TMEM255A: variants seen among roughly 807,000 people sequenced by gnomAD.
The protein encoded by TMEM255A is transmembrane protein 255A.
A neutral mutation model predicts 23.5 loss-of-function variants in TMEM255A; 14 were observed. The observed-to-expected ratio is 0.60, with a 90% CI of 0.39 to 0.93. The LOEUF is 0.93. Among genes scored for constraint, TMEM255A ranks in the 40% least tolerant of loss-of-function variants. TMEM255A has a pLI of 0.00. For synonymous variants in TMEM255A, 104 were observed against 100.3 expected, an observed-to-expected ratio of 1.04 and a Z score of -0.22; for missense variants, 233 against 261.7, an observed-to-expected ratio of 0.89 and a Z score of 0.76.
intron 4 of TMEM255A, among the ~76,000 whole-genome samples, chrX:120,289,337 T>C (rs984592429): frequency 1.8e-5 from 2 of 112,066 alleles, no homozygotes; most frequent in Admixed American, 9.5e-5. Flanking sequence ...GGGCCTGGAC[T>C]CAGAGGCAAG....
intron 1 of TMEM255A, among the ~76,000 whole-genome samples, chrX:120,310,530 A>G (rs1255408908): frequency 9.0e-6 from 1 of 110,776 alleles, no homozygotes; most frequent in Non-Finnish European, 1.9e-5. Flanking sequence ...TCGCGCTCTC[A>G]CTCCTGCCCC....
At chrX:120,288,866 C>T (rs1187944149) in intron 4 of TMEM255A, among the ~76,000 whole-genome samples, 2 of 112,155 alleles carry the variant, frequency 1.8e-5, no homozygotes, top group African/African-American at 6.5e-5. Context: ...GAAAAGAAAA[C>T]TATGGTACAA....
intron 1 of TMEM255A, among the ~76,000 whole-genome samples, chrX:120,310,521 C>T (rs2058092239): frequency 8.9e-6 from 1 of 111,933 alleles, no homozygotes; most frequent in Non-Finnish European, 1.9e-5. Flanking sequence ...GTTTCTTTCT[C>T]GCGCTCTCAC....
chrX:120,280,047 G>GGCTGGAGT (rs2057827704), intron 6 of TMEM255A, among the ~76,000 whole-genome samples: 4 of 83,447 alleles, frequency 4.8e-5, no homozygotes, highest in Admixed American at 1.7e-4. Context: ...CTGTCACCCA[G>GGCTGGAGT]GCTGGAGTGC....
chrX:120,267,946 T>A (rs958179745), intron 8 of TMEM255A, among the ~76,000 whole-genome samples: 1 of 111,070 alleles, frequency 9.0e-6, no homozygotes, highest in African/African-American at 3.3e-5. Context: ...GCTTATCTTC[T>A]CCTTGGTGTA....
At chrX:120,273,651 C>T (rs1222848085) in intron 7 of TMEM255A, 5 of 114,133 alleles carry the variant, frequency 4.4e-5, no homozygotes, top group African/African-American at 1.3e-4. Flanking sequence ...AAATTGCACA[C>T]AAACATATAA....
At chrX:120,307,562 G>A (rs2058072681) in intron 1 of TMEM255A, among the ~76,000 whole-genome samples, 1 of 112,425 alleles carries the variant, frequency 8.9e-6, no homozygotes, top group African/African-American at 3.2e-5. Context: ...GAATAAACAA[G>A]AGGCAACATC....
At chrX:120,266,417 T>C (rs1260707591) in intron 8 of TMEM255A, among the ~76,000 whole-genome samples, 4 of 109,458 alleles carry the variant, frequency 3.7e-5, no homozygotes, top group African/African-American at 1.3e-4. Flanking sequence ...GCGTGGCACA[T>C]GGAACACAGA....
At position 120,291,300 on chromosome X, in the gene TMEM255A, G is replaced by A. The variant is rs1556022900; in HGVS notation, c.305C>T (p.Ala102Val). Residue 102 changes from alanine (A) to valine (V), a missense_variant, in exon 4 of 9, where the codon GCG becomes GTG. Physicochemically the swap from Ala to Val is moderately conservative, Grantham distance 64. Transcript: ENST00000371369. ...GTCAACTATGGCACAACAAAAAGCC[G>A]CAATCACACCAAAGCTGATAAACAC... ...SIVFISFGVI[A>V]AFCCAIVDGV... is the part of the protein sequence containing the mutation. 8.3e-6 allele frequency: 10 copies of A among 1,209,293 alleles called. No homozygotes were observed. The East Asian group carries it at 8.9e-5, about 11-fold the overall frequency.
Position 120,259,543 on chromosome X carries a change from A to C in TMEM255A, c.*1327T>G, listed in dbSNP as rs1031005512. ...TCTGTGTTTGGAGAACTGTCTAATTAGGTACCCTCCTGTAGCCCCTGTATT... is the reference window on the plus strand; with the variant it reads ...TCTGTGTTTGGAGAACTGTCTAATTCGGTACCCTCCTGTAGCCCCTGTATT... On this transcript the variant is annotated 3_prime_UTR_variant, in exon 9 of 9. Coordinates refer to ENST00000371369, the MANE Select transcript of TMEM255A (RefSeq NM_001104544.3). 1.8e-5 allele frequency: 2 copies of C among 111,913 alleles called. No individual in the cohort carries two copies. The highest frequency in any genetic ancestry group is 5.6e-4 in the East Asian group (2 of 3,602). 9.2% of individuals were successfully genotyped at this position (111,913 alleles called of 1,213,427 possible).
In TMEM255A at chrX:120,300,014, T is replaced by C. The variant is rs370629862; in HGVS notation, c.201+4335A>G. On this transcript the variant is annotated intron_variant, in intron 2 of 8. Transcript: ENST00000371369. ...AAAGGGGGCAGAAATTCTTGCTCTC[T>C]TTCCTGAAAGAAGACTCAGGCTAGT... Among the ~76,000 whole-genome samples, 11 of 112,180 alleles carry C rather than the reference T, an allele frequency of 9.8e-5. No individual in the cohort carries two copies. In the East Asian group the frequency reaches 2.5e-3, roughly 26 times the overall value.
At chrX:120,294,633 A>G (rs782441038) in intron 2 of TMEM255A, among the ~76,000 whole-genome samples, 2 of 111,971 alleles carry the variant, frequency 1.8e-5, no homozygotes, top group East Asian at 5.6e-4. Flanking sequence ...GCCTATTTCA[A>G]TTGCAATATC....
At chrX:120,268,994 A>G (rs1335695931) in intron 7 of TMEM255A, among the ~76,000 whole-genome samples, 1 of 111,510 alleles carries the variant, frequency 9.0e-6, no homozygotes, top group Non-Finnish European at 1.9e-5. Context: ...ATTCTTAGAG[A>G]TCCCAACCTT....
chrX:120,291,220 T>G (rs1556022860), intron 4 of TMEM255A, 31 bp downstream of exon 4: 2 of 1,130,588 alleles, frequency 1.8e-6, no homozygotes, highest in Non-Finnish European at 2.4e-6. Context: ...TATTGCCTAT[T>G]TACTTTAACT....
chrX:120,285,686 G>T (rs782670591), intron 5 of TMEM255A: 25 of 1,208,871 alleles, frequency 2.1e-5, no homozygotes, highest in Non-Finnish European at 2.7e-5. Context: ...TTTGGTTGAG[G>T]AACTTATGAC....
intron 6 of TMEM255A, among the ~76,000 whole-genome samples, chrX:120,277,662 A>G (rs1382559591): frequency 8.9e-6 from 1 of 112,464 alleles, no homozygotes; most frequent in Non-Finnish European, 1.9e-5. Flanking sequence ...GAACTTGCCC[A>G]AGTCGTAAGT....
chrX:120,290,566 T>C (rs959556593), intron 4 of TMEM255A, among the ~76,000 whole-genome samples: 18 of 112,537 alleles, frequency 1.6e-4, no homozygotes, highest in African/African-American at 5.5e-4. Flanking sequence ...GCAGCTAATA[T>C]GCAAAAACAA....
intron 1 of TMEM255A, among the ~76,000 whole-genome samples, chrX:120,308,858 C>T (rs1280109960): frequency 1.8e-5 from 2 of 112,907 alleles, no homozygotes; most frequent in African/African-American, 3.2e-5. Context: ...ACGCACTGCT[C>T]TATTCCCAGG....
intron 7 of TMEM255A, chrX:120,273,425 G>C: frequency 4.0e-6 from 1 of 253,032 alleles, no homozygotes; most frequent in Non-Finnish European, 7.5e-6. Context: ...AGAAACTGAT[G>C]CCTTAGAATC....
Sources: allele counts gnomAD v4.1 joint callset (sites outside exome capture counted in the v4.1 genomes callset), GRCh38; gene constraint gnomAD v4.1.1; transcripts MANE v1.5; gene names NCBI Gene and HGNC (gene_info 2026-07-23, HGNC 2026-07-21).